The following B3GALT1 variants were observed in gnomAD, a reference collection of about 807,000 sequenced individuals.
B3GALT1 encodes the protein UDP-Gal:betaGlcNAc beta 1,3-galactosyltransferase, polypeptide 1.
B3GALT1 carries 10 observed loss-of-function variants against 23.2 expected under a neutral mutation model. That is an observed-to-expected ratio of 0.43 (90% CI 0.27 to 0.73). The LOEUF (loss-of-function observed/expected upper bound fraction) is 0.73, where lower values mean the gene tolerates loss of function less well. B3GALT1 is among the 30% of genes least tolerant of loss of function. The pLI is 0.21. For synonymous variants in B3GALT1, 156 were observed against 141.5 expected (o/e 1.10, Z -0.73); for missense variants, 299 against 405.4 (o/e 0.74, Z 2.25).
At chr2:167,487,548 T>C (rs1699646179) in intron 1 of B3GALT1, among the ~76,000 whole-genome samples, 1 of 152,222 alleles carries the variant, frequency 6.6e-6, no homozygotes, top group South Asian at 2.1e-4. Flanking sequence ...CTCATGTTAA[T>C]AGTATTCTTT....
chr2:167,506,180 G>A (rs1274261816), intron 2 of B3GALT1, among the ~76,000 whole-genome samples: 1 of 152,152 alleles, frequency 6.6e-6, no homozygotes, highest in Non-Finnish European at 1.5e-5. Context: ...CCAACAGCAA[G>A]CATTGCACAC....
intron 2 of B3GALT1, among the ~76,000 whole-genome samples, chr2:167,578,728 G>A (rs980424152): frequency 4.0e-5 from 6 of 151,740 alleles, no homozygotes; most frequent in African/African-American, 1.5e-4. Context: ...AGCCTGTGTG[G>A]GAATGTAGTT....
chr2:167,598,501 A>G (rs1023882602), intron 2 of B3GALT1, among the ~76,000 whole-genome samples: 2 of 152,198 alleles, frequency 1.3e-5, no homozygotes, highest in Admixed American at 1.3e-4. Flanking sequence ...GTAGAAAAGT[A>G]CTTATAAAAT....
intron 1 of B3GALT1, among the ~76,000 whole-genome samples, chr2:167,387,155 T>C (rs1248283742): frequency 4.6e-5 from 7 of 152,238 alleles, no homozygotes; most frequent in African/African-American, 1.7e-4. Context: ...TTAAAAGATA[T>C]GGTAGGCTGT....
chr2:167,614,760 C>A (rs1685128627), intron 2 of B3GALT1, among the ~76,000 whole-genome samples: 1 of 151,778 alleles, frequency 6.6e-6, no homozygotes, highest in Admixed American at 6.6e-5. Flanking sequence ...AATGCAAATG[C>A]AAATGCAAAA....
At chr2:167,752,424 T>C (rs1331865479) in intron 3 of B3GALT1, among the ~76,000 whole-genome samples, 2 of 152,260 alleles carry the variant, frequency 1.3e-5, no homozygotes, top group South Asian at 4.1e-4. Flanking sequence ...ATGTAAAGCA[T>C]ATTGCTTTTG....
intron 2 of B3GALT1, among the ~76,000 whole-genome samples, chr2:167,603,491 G>C (rs2105425846): frequency 6.6e-6 from 1 of 152,326 alleles, no homozygotes; most frequent in East Asian, 1.9e-4. Flanking sequence ...TGAAATAAAG[G>C]AGATGGAAGT....
chr2:167,838,977 A>G (rs1689561191), intron 4 of B3GALT1, among the ~76,000 whole-genome samples: 1 of 152,184 alleles, frequency 6.6e-6, no homozygotes, highest in South Asian at 2.1e-4. Context: ...AAATTCAACA[A>G]CCCTTCATGC....
chr2:167,714,111 C>A (rs1360389637), intron 3 of B3GALT1: 2 of 1,528,466 alleles, frequency 1.3e-6, no homozygotes, highest in East Asian at 4.5e-5. Flanking sequence ...GGCATTGACC[C>A]ATCCATTTTA....
chr2:167,299,907 C>A (rs1250540785), intron 1 of B3GALT1, among the ~76,000 whole-genome samples: 3 of 150,334 alleles, frequency 2.0e-5, no homozygotes, highest in South Asian at 2.1e-4. Context: ...TTATTTATTT[C>A]TTTATTTATT....
chr2:167,643,951 T>A (rs1685699342), intron 2 of B3GALT1, among the ~76,000 whole-genome samples: 1 of 152,176 alleles, frequency 6.6e-6, no homozygotes, highest in Non-Finnish European at 1.5e-5. Context: ...CCTCTCTCTG[T>A]CTTTCATGTT....
intron 3 of B3GALT1, among the ~76,000 whole-genome samples, chr2:167,785,581 C>T (rs1181525345): frequency 3.3e-5 from 5 of 152,108 alleles, no homozygotes; most frequent in South Asian, 2.1e-4. Context: ...TGATGGACAC[C>T]GTGGTGTATG....
At chr2:167,571,480 A>G (rs1234163417) in intron 2 of B3GALT1, among the ~76,000 whole-genome samples, 1 of 151,890 alleles carries the variant, frequency 6.6e-6, no homozygotes, top group Non-Finnish European at 1.5e-5. Flanking sequence ...GAAGGGCAGC[A>G]TGTAGACAGA....
intron 2 of B3GALT1, among the ~76,000 whole-genome samples, chr2:167,538,813 C>T (rs1365651633): frequency 1.3e-5 from 2 of 152,044 alleles, no homozygotes; most frequent in African/African-American, 2.4e-5. Context: ...CTTTAAAATA[C>T]TTAACTGTGT....
chr2:167,676,526 C>CA (rs1230299422), intron 3 of B3GALT1, among the ~76,000 whole-genome samples: 1 of 132,234 alleles, frequency 7.6e-6, no homozygotes, highest in Non-Finnish European at 1.5e-5. Context: ...TACACACACA[C>CA]ACACACACAC....
intron 2 of B3GALT1, among the ~76,000 whole-genome samples, chr2:167,509,465 T>G (rs1182602100): frequency 6.6e-6 from 1 of 152,126 alleles, no homozygotes; most frequent in African/African-American, 2.4e-5. Flanking sequence ...ATAAGGAGAC[T>G]ACATAGGTAT....
At chr2:167,464,556 A>G (rs375804433) in intron 1 of B3GALT1, among the ~76,000 whole-genome samples, 9 of 152,318 alleles carry the variant, frequency 5.9e-5, no homozygotes, top group African/African-American at 2.2e-4. Context: ...TTCATCCAAT[A>G]TAAAGTAGAG....
chr2:167,305,641 T>A (rs78861268), intron 1 of B3GALT1, among the ~76,000 whole-genome samples: 1 of 152,016 alleles, frequency 6.6e-6, no homozygotes, highest in African/African-American at 2.4e-5. Flanking sequence ...ACCAAATACC[T>A]GGTTTCATGG....
chr2:167,297,396 A>T (rs76174347), intron 1 of B3GALT1, among the ~76,000 whole-genome samples: 1 of 88,702 alleles, frequency 1.1e-5, no homozygotes, highest in Non-Finnish European at 2.1e-5. Flanking sequence ...AAAACTGATT[A>T]AAAAAAAAAA....
Sources: allele counts gnomAD v4.1 joint callset (sites outside exome capture counted in the v4.1 genomes callset), GRCh38; gene constraint gnomAD v4.1.1; transcripts MANE v1.5; gene names NCBI Gene and HGNC (gene_info 2026-07-23, HGNC 2026-07-21).